The following ADAMTS4 variants were observed in gnomAD, a reference collection of about 807,000 sequenced individuals.
The protein encoded by ADAMTS4 is A disintegrin and metalloproteinase with thrombospondin motifs 4.
Under a neutral mutation model 66.7 loss-of-function variants are expected in ADAMTS4, and 38 were observed. The ratio of observed to expected loss-of-function variants is 0.57; its 90% CI spans 0.44 to 0.75. The LOEUF is 0.75. Ranked by LOEUF, ADAMTS4 falls within the 30% of genes least tolerant of loss-of-function variation. The pLI is 0.00. For synonymous variants in ADAMTS4, 418 were observed against 461.5 expected (o/e 0.91, Z 1.21); for missense variants, 1,014 against 1,116.7 (o/e 0.91, Z 1.31).
rs754215648 is a variant in ADAMTS4 at position 161,198,396 on chromosome 1, G to A, written c.232C>T (p.Pro78Ser). The A allele has an allele frequency of 1.2e-6, 2 of 1,609,700 alleles. No individual in the cohort carries two copies. Among genetic ancestry groups the A allele is most frequent in the African/African-American group, 2.7e-5 (2 of 74,914 alleles). Residue 78 changes from proline to serine, a missense_variant, in exon 1 of 9, where the codon CCT becomes TCT. By Grantham distance (74) the Pro-to-Ser change is moderately conservative (BLOSUM62 -1). Coordinates refer to ENST00000367996, the MANE Select transcript of ADAMTS4 (RefSeq NM_005099.6). The surrounding 1 kb of genome is among the most constrained non-coding windows in gnomAD (Gnocchi z 4.7). ...NGSVLPGSGAPARLLCRLQAF... is the reference protein window; with the variant it reads ...NGSVLPGSGASARLLCRLQAF... ...TGCAAGCGGCACAACAGCCTGGCAG[G>A]GGCGCCCGAGCCAGGCAGGACGCTG...
chr1:161,195,264 G>C (rs1316468631), intron 4 of ADAMTS4, among the ~76,000 whole-genome samples: 1 of 152,152 alleles, frequency 6.6e-6, no homozygotes, highest in East Asian at 1.9e-4. Flanking sequence ...GCCAAAATTC[G>C]CCTCCTCTAG....
rs570236275 is a variant in ADAMTS4 at position 161,192,162 on chromosome 1, G to A, written c.1990C>T (p.Arg664Cys). 34 of 1,614,102 alleles carry A rather than the reference G, an allele frequency of 2.1e-5. No individual in the cohort carries two copies. The East Asian group carries it at 2.9e-4, about 14-fold the overall frequency. Reference sequence around the variant, plus strand: ...AACTTCTTCTTGGAGCCAATGATGCGATCACAGCCAGCATGGATGCATCGG... The same window carrying A: ...AACTTCTTCTTGGAGCCAATGATGCAATCACAGCCAGCATGGATGCATCGG... ...QGRCIHAGCD[R>C]IIGSKKKFDK... The change falls in exon 8 of 9, where the codon CGC becomes TGC. Residue 664 changes from arginine to cysteine, a missense_variant. Transcript: ENST00000367996.
rs756232648 is a variant in ADAMTS4 at position 161,196,580 on chromosome 1, T to G, written c.934A>C (p.Thr312Pro). 1 of 1,614,164 alleles carries G rather than the reference T, an allele frequency of 6.2e-7. No individual in the cohort carries two copies. Among genetic ancestry groups the G allele is most frequent in the Non-Finnish European group, 8.5e-7 (1 of 1,180,024 alleles). ...PEDSDPDHFD[T>P]AILFTRQDLC... ...ACCTGACGGGTAAACAGAATGGCTGTGTCAAAGTGGTCAGGGTCCGAGTCC... is the reference window on the plus strand; with the variant it reads ...ACCTGACGGGTAAACAGAATGGCTGGGTCAAAGTGGTCAGGGTCCGAGTCC... Residue 312 changes from threonine to proline, a missense_variant, in exon 2 of 9, where the codon ACA becomes CCA. Thr to Pro is a conservative substitution (Grantham distance 38, BLOSUM62 -1). Transcript: ENST00000367996.
chr1:161,196,130 CT>C, intron 3 of ADAMTS4, 40 bp downstream of exon 3: 1 of 1,527,474 alleles, frequency 6.5e-7, no homozygotes, highest in East Asian at 2.3e-5. Flanking sequence ...CCTCCCCCAC[CT>C]TCTCCTCCCT....
In ADAMTS4 at chr1:161,190,528, A is replaced by T. The variant is rs1664640749; in HGVS notation, c.*610T>A. The T allele has an allele frequency of 6.7e-6, 1 of 148,284 alleles. No homozygotes were observed. The highest frequency in any genetic ancestry group is 2.1e-4 in the South Asian group (1 of 4,710). 9.2% of individuals were successfully genotyped at this position (148,284 alleles called of 1,614,324 possible). On this transcript the variant is annotated 3_prime_UTR_variant, in exon 9 of 9. Transcript: ENST00000367996. ...ATTCTGTCTCAAAAAAAAAAAAGAA[A>T]GAAAGAAAGAAAAAAAAAAAAAGAT...
rs1341843289 is a variant in ADAMTS4, at chr1:161,192,422, T to C, written c.1912-182A>G. Reference sequence around the variant, plus strand: ...TGATAATCATAACAATAATAATTATTATCACATATAACATCTAGCCAGCAT... The same window carrying C: ...TGATAATCATAACAATAATAATTATCATCACATATAACATCTAGCCAGCAT... On this transcript the variant is annotated intron_variant, in intron 7 of 8. Transcript: ENST00000367996. Among the ~76,000 whole-genome samples the C allele has an allele frequency of 3.3e-5, 5 of 152,038 alleles. No individual in the cohort carries two copies. The East Asian group carries it at 9.6e-4, about 29-fold the overall frequency.
Position 161,188,791 on chromosome 1 carries a change from C to T in ADAMTS4, c.*2347G>A, listed in dbSNP as rs1206853546. ...GGAGTGCAGTGGCGCAATCTCGACT[C>T]ACTGTAAGCTCTGCCTCCCGGGTGC... On this transcript the variant is annotated 3_prime_UTR_variant, in exon 9 of 9. Transcript: ENST00000367996. The T allele has an allele frequency of 1.3e-5, 2 of 149,170 alleles. No individual in the cohort carries two copies. The highest frequency in any genetic ancestry group is 4.9e-5 in the African/African-American group (2 of 40,446). 9.2% of individuals were successfully genotyped at this position (149,170 alleles called of 1,614,324 possible).
At position 161,193,268 on chromosome 1, in the gene ADAMTS4, C is replaced by T; in HGVS notation, c.1856G>A (p.Cys619Tyr). ...RYTGVAPQDQ[C>Y]KLTCQAQALG... Reference sequence around the variant, plus strand: ...TGCCTGGGCCTGGCAGGTGAGTTTGCACTGGTCCTGGGGGGCCACGCCTGT... The same window carrying T: ...TGCCTGGGCCTGGCAGGTGAGTTTGTACTGGTCCTGGGGGGCCACGCCTGT... Residue 619 changes from cysteine to tyrosine, a missense_variant, in exon 7 of 9, where the codon TGC (cysteine) becomes TAC (tyrosine). Coordinates refer to ENST00000367996, the MANE Select transcript of ADAMTS4 (RefSeq NM_005099.6). This position sits in a 1 kb window ranked among gnomAD's most constrained non-coding sequence, Gnocchi z 4.4. 1 of 1,614,030 alleles carries T rather than the reference C, an allele frequency of 6.2e-7. No individual in the cohort carries two copies. Among genetic ancestry groups the T allele is most frequent in the South Asian group, 1.1e-5 (1 of 91,076 alleles).
At position 161,193,614 on chromosome 1, in the gene ADAMTS4, G is replaced by A. The variant is rs1328640138; in HGVS notation, c.1735+26C>T. 16 of 1,589,072 alleles carry A rather than the reference G, an allele frequency of 1.0e-5. No homozygotes were observed. The highest frequency in any genetic ancestry group is 5.8e-5 in the South Asian group (5 of 86,920). ...TTCCTGCTCTACTGTCCCCTCCCAA[G>A]GGCTCCCATCCCCCCTACTCCTCAC... On this transcript the variant is annotated intron_variant, in intron 6 of 8. Coordinates refer to ENST00000367996, the MANE Select transcript of ADAMTS4 (RefSeq NM_005099.6). This position sits in a 1 kb window ranked among gnomAD's most constrained non-coding sequence, Gnocchi z 4.4.
rs1005259594 is a variant in ADAMTS4 at position 161,190,965 on chromosome 1, G to T, written c.*173C>A. ...CACTAACCCATCACTGCCTCCCAGGGCAGGAAACCAGGGCAGGGCCAGCCT... is the reference window on the plus strand; with the variant it reads ...CACTAACCCATCACTGCCTCCCAGGTCAGGAAACCAGGGCAGGGCCAGCCT... On this transcript the variant is annotated 3_prime_UTR_variant, in exon 9 of 9. Coordinates refer to ENST00000367996, the MANE Select transcript of ADAMTS4 (RefSeq NM_005099.6). The T allele has an allele frequency of 2.9e-6, 2 of 698,554 alleles. No individual in the cohort carries two copies. The highest frequency in any genetic ancestry group is 2.2e-6 in the Non-Finnish European group (1 of 446,936). 43.3% of individuals were successfully genotyped at this position (698,554 alleles called of 1,614,324 possible).
Position 161,198,015 on chromosome 1 carries a change from G to C in ADAMTS4, c.613C>G (p.Pro205Ala). Residue 205 changes from proline (P) to alanine (A), a missense_variant, in exon 1 of 9, where the codon CCC becomes GCC. Physicochemically the swap from Pro to Ala is conservative, Grantham distance 27 (BLOSUM62 -1). Coordinates refer to ENST00000367996, the MANE Select transcript of ADAMTS4 (RefSeq NM_005099.6). The surrounding 1 kb of genome is among the most constrained non-coding windows in gnomAD (Gnocchi z 4.7). The part of the protein sequence containing the change: ...NVKAPLGSPS[P>A]RPRRAKRFAS... ...CCTACCTTGGCTCTTCGGGGTCTGG[G>C]GCTGGGGCTTCCAAGAGGAGCCTTG... The C allele has an allele frequency of 6.4e-7, 1 of 1,573,540 alleles. No homozygotes were observed. Among genetic ancestry groups the C allele is most frequent in the Non-Finnish European group, 8.6e-7 (1 of 1,157,094 alleles).
Position 161,190,930 on chromosome 1 carries a change from C to G in ADAMTS4, c.*208G>C. 1 of 535,058 alleles carries G rather than the reference C, an allele frequency of 1.9e-6. No individual in the cohort carries two copies. The highest frequency in any genetic ancestry group is 3.5e-5 in the Admixed American group (1 of 28,952). The allele number at this position is 535,058 out of a possible 1,614,324, so 33.1% of individuals were successfully genotyped here. On this transcript the variant is annotated 3_prime_UTR_variant, in exon 9 of 9. Transcript: ENST00000367996. ...TTTAGATGGAGGGCTGTCTGTCAGC[C>G]CCTTCCATCCACTAACCCATCACTG...
Position 161,196,633 on chromosome 1 carries a change from G to A in ADAMTS4, c.881C>T (p.Ala294Val). 6.2e-7 allele frequency: 1 copy of A among 1,614,194 alleles called. No homozygotes were observed. The highest frequency in any genetic ancestry group is 8.5e-7 in the Non-Finnish European group (1 of 1,180,032). Reference sequence around the variant, plus strand: ...AGGGGTGTTGAGGCCCCGCTGCCAGGCACAGAAGCTGCGCAGGGTCTGGGC... The same window carrying A: ...AGGGGTGTTGAGGCCCCGCTGCCAGACACAGAAGCTGCGCAGGGTCTGGGC... ...SAAQTLRSFC[A>V]WQRGLNTPED... Residue 294 changes from alanine to valine, a missense_variant, in exon 2 of 9, where the codon GCC becomes GTC. Physicochemically the swap from Ala to Val is moderately conservative, Grantham distance 64. Coordinates refer to ENST00000367996, the MANE Select transcript of ADAMTS4 (RefSeq NM_005099.6).
rs1317307987 is a variant in ADAMTS4 at position 161,193,890 on chromosome 1, C to T, written c.1548+45G>A. ...TCTCTCCTGGGCTTAAGGCCAGTCC[C>T]CACACCCCCGGGCCCTTTACCCCAC... On this transcript the variant is annotated intron_variant, in intron 5 of 8. Coordinates refer to ENST00000367996, the MANE Select transcript of ADAMTS4 (RefSeq NM_005099.6). This position sits in a 1 kb window ranked among gnomAD's most constrained non-coding sequence, Gnocchi z 4.4. 1.3e-6 allele frequency: 2 copies of T among 1,563,328 alleles called. No individual in the cohort carries two copies. Among genetic ancestry groups the T allele is most frequent in the Non-Finnish European group, 1.7e-6 (2 of 1,152,188 alleles).
chr1:161,194,954 G>A lies in ADAMTS4; in HGVS notation c.1261+511C>T, dbSNP rs1664774760. The stretch of plus-strand genomic sequence containing the variant: ...TCCCAGCACTTTGGAAGGCTGAGGT[G>A]GGAGGATTGCTTGAGCCTAGGAGTT... On this transcript the variant is annotated intron_variant, in intron 4 of 8. Coordinates refer to ENST00000367996, the MANE Select transcript of ADAMTS4 (RefSeq NM_005099.6). This position sits in a 1 kb window ranked among gnomAD's most constrained non-coding sequence, Gnocchi z 4.1. Among the ~76,000 whole-genome samples the A allele has an allele frequency of 6.6e-6, 1 of 152,178 alleles. No homozygotes were observed. The highest frequency in any genetic ancestry group is 1.5e-5 in the Non-Finnish European group (1 of 68,034).
Position 161,193,764 on chromosome 1 carries a change from C to T in ADAMTS4, c.1611G>A (p.Gly537=), listed in dbSNP as rs111551458. 1.7e-5 allele frequency: 28 copies of T among 1,614,026 alleles called. No homozygotes were observed. The highest frequency in any genetic ancestry group is 1.3e-4 in the African/African-American group (10 of 75,052). The change falls in exon 6 of 9, where the codon GGG becomes GGA. Residue 537 remains glycine (G), a synonymous_variant. Coordinates refer to ENST00000367996, the MANE Select transcript of ADAMTS4 (RefSeq NM_005099.6). This position sits in a 1 kb window ranked among gnomAD's most constrained non-coding sequence, Gnocchi z 4.4. ...GPWGDCSRTC[G]GGVQFSSRDC... ...CTCGGGAGGAGAACTGGACACCACC[C>T]CCACAGGTCCGAGAGCAGTCACCCC...
At position 161,196,739 on chromosome 1, in the gene ADAMTS4, G is replaced by T. The variant is rs1445185625; in HGVS notation, c.775C>A (p.Arg259Ser). 1.9e-6 allele frequency: 3 copies of T among 1,613,556 alleles called. No homozygotes were observed. The African/African-American group carries it at 4.0e-5, about 22-fold the overall frequency. ...GTCACCACCAAGCTGACAGGATTGC[G>T]GATGCTTGGGTGCTTGAAGGCCTTG... ...AAKAFKHPSI[R>S]NPVSLVVTRL... Residue 259 changes from arginine to serine, a missense_variant, in exon 2 of 9, where the codon CGC (arginine) becomes AGC (serine). Transcript: ENST00000367996.
rs1432648976 is a variant in ADAMTS4 at position 161,193,457 on chromosome 1, C to G, written c.1736-69G>C. ...TCACCCCACATCCCTCCACCCAACC[C>G]CTGAGAACTCTAGACAGCACAGCTC... On this transcript the variant is annotated intron_variant, in intron 6 of 8. Coordinates refer to ENST00000367996, the MANE Select transcript of ADAMTS4 (RefSeq NM_005099.6). This position sits in a 1 kb window ranked among gnomAD's most constrained non-coding sequence, Gnocchi z 4.4. The G allele has an allele frequency of 6.4e-7, 1 of 1,569,844 alleles. No homozygotes were observed. Among genetic ancestry groups the G allele is most frequent in the Non-Finnish European group, 8.7e-7 (1 of 1,155,810 alleles).
In ADAMTS4 at chr1:161,193,773, C is replaced by T. The variant is rs760634058; in HGVS notation, c.1602G>A (p.Arg534=). 1 of 1,613,764 alleles carries T rather than the reference C, an allele frequency of 6.2e-7. No individual in the cohort carries two copies. The change falls in exon 6 of 9, where the codon CGG becomes CGA. Residue 534 remains arginine (R), a synonymous_variant. Transcript: ENST00000367996. This position sits in a 1 kb window ranked among gnomAD's most constrained non-coding sequence, Gnocchi z 4.4. ...AGAACTGGACACCACCCCCACAGGT[C>T]CGAGAGCAGTCACCCCATGGTCCCC... ...GPWGPWGDCS[R]TCGGGVQFSS...
Sources: gnomAD v4.1 joint callset for allele counts (sites outside exome capture counted in the v4.1 genomes callset) on GRCh38, gnomAD v4.1.1 for gene constraint, Gnocchi (gnomAD v3.1) non-coding constraint, MANE v1.5 for transcripts, NCBI Gene and HGNC (gene_info 2026-07-23, HGNC 2026-07-21) for gene names.